The following PCNX2 variants were observed in gnomAD, a reference collection of about 807,000 sequenced individuals.
PCNX2 encodes pecanex 2.
In PCNX2, 168 loss-of-function variants were observed where a neutral mutation model predicts 223.8. The observed-to-expected ratio is 0.75, with a 90% CI of 0.66 to 0.85. The LOEUF is 0.85. Ranked by LOEUF, PCNX2 falls within the 40% of genes least tolerant of loss-of-function variation. The pLI is 0.00. For missense variants in PCNX2, 2,507 were observed against 2,675.5 expected, an observed-to-expected ratio of 0.94 and a Z score of 1.39; for synonymous variants, 1,006 against 1,052.6, an observed-to-expected ratio of 0.96 and a Z score of 0.86.
intron 28 of PCNX2, among the ~76,000 whole-genome samples, chr1:233,004,402 G>T (rs1401721269): frequency 6.6e-6 from 1 of 152,074 alleles, no homozygotes; most frequent in Non-Finnish European, 1.5e-5. Context: ...TGAACCTGGG[G>T]AGTAGGTTTG....
At chr1:232,993,225 A>G (rs1669764436) in intron 32 of PCNX2, among the ~76,000 whole-genome samples, 1 of 152,234 alleles carries the variant, frequency 6.6e-6, no homozygotes, top group African/African-American at 2.4e-5. Flanking sequence ...TGATAGTAAT[A>G]TGGACAATAA....
chr1:233,046,768 G>T (rs1572044019), intron 25 of PCNX2, among the ~76,000 whole-genome samples: 1 of 152,244 alleles, frequency 6.6e-6, no homozygotes, highest in East Asian at 1.9e-4. Context: ...GCCTCCTTCT[G>T]TATTTCATCT....
rs1241470020 is a variant in PCNX2, at chr1:233,270,299, T to C, written c.154-7136A>G. 3.3e-5 allele frequency among the ~76,000 whole-genome samples: 5 copies of C among 152,238 alleles called. No homozygotes were observed. In the East Asian group the frequency reaches 9.6e-4, roughly 29 times the overall value. On this transcript the variant is annotated intron_variant, in intron 1 of 33. Transcript: ENST00000258229. ...TAATATTTCTTACATATTTCATGCATTTCTTTTATGAAAAAATAAACTAAA... is the reference window on the plus strand; with the variant it reads ...TAATATTTCTTACATATTTCATGCACTTCTTTTATGAAAAAATAAACTAAA...
At chr1:233,225,764 T>C (rs1657673196) in intron 10 of PCNX2, among the ~76,000 whole-genome samples, 1 of 152,240 alleles carries the variant, frequency 6.6e-6, no homozygotes, top group Admixed American at 6.5e-5. Flanking sequence ...CAACTTTCAA[T>C]AATTTCTTTT....
At chr1:233,022,276 G>A (rs1365535582) in intron 26 of PCNX2, among the ~76,000 whole-genome samples, 2 of 152,108 alleles carry the variant, frequency 1.3e-5, no homozygotes, top group Non-Finnish European at 2.9e-5. Context: ...TGTTCATTCA[G>A]TACAAAAAAA....
At position 233,000,922 on chromosome 1, in the gene PCNX2, G is replaced by A. The variant is rs1020224033; in HGVS notation, c.5098-387C>T. Reference sequence around the variant, plus strand: ...TGGCTAAAGTCAAGACTATCTGGACGGCTTCAATGCTTAGTTACCTAAGTA... The same window carrying A: ...TGGCTAAAGTCAAGACTATCTGGACAGCTTCAATGCTTAGTTACCTAAGTA... On this transcript the variant is annotated intron_variant, in intron 29 of 33. Transcript: ENST00000258229. The surrounding 1 kb of genome is among the most constrained non-coding windows in gnomAD (Gnocchi z 4.6). Among the ~76,000 whole-genome samples, 2 of 152,162 alleles carry A rather than the reference G, an allele frequency of 1.3e-5. No individual in the cohort carries two copies. The highest frequency in any genetic ancestry group is 4.8e-5 in the African/African-American group (2 of 41,438).
intron 9 of PCNX2, among the ~76,000 whole-genome samples, chr1:233,230,212 T>C (rs760105875): frequency 2.0e-5 from 3 of 152,144 alleles, no homozygotes; most frequent in Non-Finnish European, 2.9e-5. Flanking sequence ...TGTATCTATG[T>C]ATGGAGAGAG....
intron 26 of PCNX2, 92 bp downstream of exon 26, chr1:233,025,054 G>T: frequency 6.6e-7 from 1 of 1,514,634 alleles, no homozygotes; most frequent in Non-Finnish European, 9.0e-7. Context: ...AGGATGACAG[G>T]CTTCAAAATT....
chr1:233,278,430 C>A (rs1424718022), intron 1 of PCNX2, among the ~76,000 whole-genome samples: 1 of 152,108 alleles, frequency 6.6e-6, no homozygotes, highest in Non-Finnish European at 1.5e-5. Flanking sequence ...GAGAGAGGAT[C>A]CTGCAGCAGT....
intron 25 of PCNX2, among the ~76,000 whole-genome samples, chr1:233,050,098 G>A (rs1243481691): frequency 6.6e-6 from 1 of 151,906 alleles, no homozygotes; most frequent in Non-Finnish European, 1.5e-5. Context: ...TGGGGTGGGG[G>A]TCTAGGGGAG....
chr1:233,274,301 G>A (rs11583596), intron 1 of PCNX2, among the ~76,000 whole-genome samples: 15,101 of 152,154 alleles, frequency 0.099, 918 homozygotes, highest in South Asian at 0.19. Flanking sequence ...GAGGGGCTAC[G>A]TAGGTGCTAT....
chr1:233,127,197 A>C (rs16858694), intron 21 of PCNX2, among the ~76,000 whole-genome samples: 19,162 of 152,132 alleles, frequency 0.13, 1,521 homozygotes, highest in East Asian at 0.42. Flanking sequence ...TATAGGAATG[A>C]AGTCCAAACT....
chr1:233,051,193 T>C (rs1671992037), intron 25 of PCNX2, among the ~76,000 whole-genome samples: 1 of 151,696 alleles, frequency 6.6e-6, no homozygotes, highest in South Asian at 2.1e-4. Context: ...CACAAAACAA[T>C]AGATGCTGGT....
chr1:233,321,982 C>T, the PCNX2 span, among the ~76,000 whole-genome samples: 2 of 152,148 alleles, frequency 1.3e-5, no homozygotes, highest in African/African-American at 4.8e-5. Flanking sequence ...TCGGATCACA[C>T]TAAGAACTGC....
chr1:233,244,880 T>C (rs1424869168), intron 8 of PCNX2, among the ~76,000 whole-genome samples: 1 of 152,242 alleles, frequency 6.6e-6, no homozygotes, highest in Non-Finnish European at 1.5e-5. Context: ...TTCAAATGCA[T>C]TGATCTGGCA....
At chr1:233,261,986 A>T in intron 3 of PCNX2, 59 bp downstream of exon 3, 2 of 1,600,600 alleles carry the variant, frequency 1.2e-6, no homozygotes, top group South Asian at 2.2e-5. Context: ...CTCCCATTCT[A>T]GGTGAGATCA....
chr1:232,994,085 C>T, intron 32 of PCNX2, among the ~76,000 whole-genome samples: 1 of 152,226 alleles, frequency 6.6e-6, no homozygotes, highest in Non-Finnish European at 1.5e-5. Flanking sequence ...CAGAGTCCCA[C>T]TGGGGTACTG....
chr1:233,192,633 T>C (rs1317424468), intron 15 of PCNX2, among the ~76,000 whole-genome samples: 1 of 152,130 alleles, frequency 6.6e-6, no homozygotes, highest in Non-Finnish European at 1.5e-5. Context: ...AAGAAATTTT[T>C]AGAAAATATC....
chr1:233,119,403 C>CAAAAAAAAAAAAAAAAAAAA (rs71173251), intron 21 of PCNX2, among the ~76,000 whole-genome samples: 2 of 38,636 alleles, frequency 5.2e-5, no homozygotes, highest in Non-Finnish European at 8.7e-5. Flanking sequence ...ACTAAAAATA[C>CAAAAAAAAAAAAAAAAAAAA]AAAAAAAAAA....
Sources: gnomAD v4.1 joint callset for allele counts (sites outside exome capture counted in the v4.1 genomes callset) on GRCh38, gnomAD v4.1.1 for gene constraint, Gnocchi (gnomAD v3.1) non-coding constraint, MANE v1.5 for transcripts, NCBI Gene and HGNC (gene_info 2026-07-23, HGNC 2026-07-21) for gene names.